The following JAZF1 variants were observed in gnomAD, a reference collection of about 807,000 sequenced individuals.
JAZF1 encodes the protein juxtaposed with another zinc finger protein 1.
A neutral mutation model predicts 26.4 loss-of-function variants in JAZF1; 8 were observed. The ratio of observed to expected loss-of-function variants is 0.30; its 90% CI spans 0.18 to 0.55. The LOEUF (loss-of-function observed/expected upper bound fraction) is 0.55, where lower values mean the gene tolerates loss of function less well. JAZF1 is among the 20% of genes least tolerant of loss of function. The pLI is 0.94. For synonymous variants in JAZF1, 126 were observed against 122.3 expected (o/e 1.03, Z -0.20); for missense variants, 199 against 322.0 (o/e 0.62, Z 2.92).
intron 1 of JAZF1, among the ~76,000 whole-genome samples, chr7:28,159,316 A>G (rs1783241239): frequency 2.0e-5 from 3 of 151,846 alleles, no homozygotes; most frequent in Non-Finnish European, 1.5e-5. Flanking sequence ...AAATTATTCT[A>G]AAAATTAAAT....
At chr7:28,059,445 C>T (rs1783764994) in intron 1 of JAZF1, among the ~76,000 whole-genome samples, 1 of 152,064 alleles carries the variant, frequency 6.6e-6, no homozygotes, top group Non-Finnish European at 1.5e-5. Flanking sequence ...AATTTCTTTA[C>T]CTTCTTCCTA....
intron 1 of JAZF1, among the ~76,000 whole-genome samples, chr7:27,999,131 T>C (rs1451016565): frequency 1.3e-5 from 2 of 152,202 alleles, no homozygotes; most frequent in Non-Finnish European, 2.9e-5. Flanking sequence ...TTGTGAAGTA[T>C]ACAGCCTGCA....
Position 27,939,080 on chromosome 7 carries a change from C to T in JAZF1, c.189-43664G>A, listed in dbSNP as rs192883132. Among the ~76,000 whole-genome samples, 91 of 152,312 alleles carry T rather than the reference C, an allele frequency of 6.0e-4. 1 individual carries two copies. The highest frequency in any genetic ancestry group is 2.4e-4 in the Non-Finnish European group (16 of 68,032). Reference sequence around the variant, plus strand: ...GAAATCTGAAGCTTGGGCCATTTCTCTAAAACACCTTGTGTTGCAGAGCCA... The same window carrying T: ...GAAATCTGAAGCTTGGGCCATTTCTTTAAAACACCTTGTGTTGCAGAGCCA... On this transcript the variant is annotated intron_variant, in intron 2 of 4. Transcript: ENST00000283928.
chr7:28,101,006 C>G (rs1472728741), intron 1 of JAZF1, among the ~76,000 whole-genome samples: 1 of 152,170 alleles, frequency 6.6e-6, no homozygotes, highest in Non-Finnish European at 1.5e-5. Context: ...ATTTATAGAT[C>G]ATGTCATCTA....
At chr7:27,914,808 C>T in intron 2 of JAZF1, 1 of 471,130 alleles carries the variant, frequency 2.1e-6, no homozygotes, top group Non-Finnish European at 4.4e-6. Flanking sequence ...GCCCAATGTC[C>T]CTACAGGAAA....
At chr7:28,120,067 C>T (rs1437258863) in intron 1 of JAZF1, among the ~76,000 whole-genome samples, 2 of 152,160 alleles carry the variant, frequency 1.3e-5, no homozygotes, top group Non-Finnish European at 2.9e-5. Context: ...CCAACCTCCA[C>T]AAAGACTCTC....
At chr7:28,022,470 T>C (rs1166311894) in intron 1 of JAZF1, among the ~76,000 whole-genome samples, 1 of 152,248 alleles carries the variant, frequency 6.6e-6, no homozygotes, top group African/African-American at 2.4e-5. Flanking sequence ...CTGTGGCTTC[T>C]GACACTAGGG....
chr7:28,045,862 C>T (rs1021039002), intron 1 of JAZF1, among the ~76,000 whole-genome samples: 1 of 152,236 alleles, frequency 6.6e-6, no homozygotes, highest in Admixed American at 6.5e-5. Flanking sequence ...GAATGAGCCA[C>T]TGTGCCTGGC....
intron 1 of JAZF1, among the ~76,000 whole-genome samples, chr7:28,136,458 C>G (rs1782888003): frequency 2.0e-5 from 3 of 152,206 alleles, no homozygotes; most frequent in African/African-American, 7.2e-5. Flanking sequence ...CTGGGCTGCA[C>G]CACTCCAACA....
chr7:28,092,576 C>T (rs1004901090), intron 1 of JAZF1, among the ~76,000 whole-genome samples: 2 of 152,050 alleles, frequency 1.3e-5, no homozygotes, highest in African/African-American at 4.8e-5. Context: ...GATGCGGTGG[C>T]TCACACTTAT....
At chr7:28,083,340 C>G (rs1294015208) in intron 1 of JAZF1, among the ~76,000 whole-genome samples, 1 of 152,174 alleles carries the variant, frequency 6.6e-6, no homozygotes, top group African/African-American at 2.4e-5. Context: ...ATGACAGCCA[C>G]TCAACGGATA....
At chr7:27,841,777 CATTT>C (rs1377048574) in intron 3 of JAZF1, 1 of 152,136 alleles carries the variant, frequency 6.6e-6, no homozygotes, top group African/African-American at 2.4e-5. Context: ...GGCCCAAAGC[CATTT>C]ATTTGGAGCT....
chr7:27,914,736 T>C (rs988531317), intron 2 of JAZF1: 1 of 471,054 alleles, frequency 2.1e-6, no homozygotes, highest in African/African-American at 2.0e-5. Context: ...TTACCTTTCA[T>C]TTCCACACAG....
chr7:27,918,097 G>C (rs1490826235), intron 2 of JAZF1, among the ~76,000 whole-genome samples: 2 of 152,124 alleles, frequency 1.3e-5, no homozygotes, highest in African/African-American at 4.8e-5. Context: ...AAGGAGCAGG[G>C]CCTCTCTAAT....
At chr7:28,044,227 AG>A (rs1783454716) in intron 1 of JAZF1, among the ~76,000 whole-genome samples, 1 of 152,196 alleles carries the variant, frequency 6.6e-6, no homozygotes, top group Non-Finnish European at 1.5e-5. Flanking sequence ...ATCTCTTCTT[AG>A]CTAGTAAGTG....
chr7:28,121,574 C>T lies in JAZF1; in HGVS notation c.115+58889G>A, dbSNP rs987466408. 3.9e-5 allele frequency among the ~76,000 whole-genome samples: 6 copies of T among 152,216 alleles called. No homozygotes were observed. The East Asian group carries it at 5.8e-4, about 15-fold the overall frequency. On this transcript the variant is annotated intron_variant, in intron 1 of 4. Coordinates refer to ENST00000283928, the MANE Select transcript of JAZF1 (RefSeq NM_175061.4). ...AATGTGTGATCCTATTTTCATCCCA[C>T]CCCTGTGCTCACTGAAATGACAACT...
chr7:28,075,651 C>G (rs1037315940), intron 1 of JAZF1, among the ~76,000 whole-genome samples: 2 of 152,062 alleles, frequency 1.3e-5, no homozygotes, highest in Admixed American at 6.6e-5. Context: ...ATAAAACAGA[C>G]AGTATTATTC....
intron 1 of JAZF1, among the ~76,000 whole-genome samples, chr7:28,002,902 T>A (rs1475205302): frequency 6.6e-6 from 1 of 152,072 alleles, no homozygotes; most frequent in Non-Finnish European, 1.5e-5. Flanking sequence ...TCTTTCAGGC[T>A]GCCTGAAAGA....
At chr7:28,000,650 G>A (rs1786136035) in intron 1 of JAZF1, among the ~76,000 whole-genome samples, 1 of 132,854 alleles carries the variant, frequency 7.5e-6, no homozygotes, top group East Asian at 2.2e-4. Context: ...TGAGACAAGA[G>A]TCTCACTCTA....
Sources: gnomAD v4.1 joint callset for allele counts (sites outside exome capture counted in the v4.1 genomes callset) on GRCh38, gnomAD v4.1.1 for gene constraint, MANE v1.5 for transcripts, NCBI Gene and HGNC (gene_info 2026-07-23, HGNC 2026-07-21) for gene names.